The following TRIP4 variants were observed in gnomAD, a reference collection of about 807,000 sequenced individuals.
The protein encoded by TRIP4 is activating signal cointegrator 1.
Under a neutral mutation model 81.8 loss-of-function variants are expected in TRIP4, and 54 were observed. That is an observed-to-expected ratio of 0.66 (90% confidence interval 0.53 to 0.83). The LOEUF (loss-of-function observed/expected upper bound fraction) is 0.83. TRIP4 is among the 40% of genes least tolerant of loss of function. The pLI is 0.00. For synonymous variants in TRIP4, 270 were observed against 242.8 expected, an observed-to-expected ratio of 1.11 and a Z score of -1.04; for missense variants, 662 against 683.6, an observed-to-expected ratio of 0.97 and a Z score of 0.35.
At position 64,445,126 on chromosome 15, in the gene TRIP4, T is replaced by C. The variant is rs1892597285; in HGVS notation, c.1678+18T>C. ...AAAAATCTGTAAGTCATGATTTTTTTTCTTTAAGACTAGTCAAGTGCAGTA... is the reference window on the plus strand; with the variant it reads ...AAAAATCTGTAAGTCATGATTTTTTCTCTTTAAGACTAGTCAAGTGCAGTA... On this transcript the variant is annotated intron_variant, in intron 12 of 12. Coordinates refer to ENST00000261884, the MANE Select transcript of TRIP4 (RefSeq NM_016213.5). 6.8e-7 allele frequency: 1 copy of C among 1,464,584 alleles called. No homozygotes were observed. The highest frequency in any genetic ancestry group is 1.8e-5 in the Admixed American group (1 of 55,574). The allele number at this position is 1,464,584 out of a possible 1,614,324, so 90.7% of individuals were successfully genotyped here.
In TRIP4 at chr15:64,414,506, CTT is replaced by C. The variant is rs1466400730; in HGVS notation, c.1170+297_1170+298del. Among the ~76,000 whole-genome samples the C allele has an allele frequency of 6.6e-5, 7 of 106,114 alleles. No homozygotes were observed. The East Asian group carries it at 1.5e-3, about 23-fold the overall frequency. 69.6% of individuals were successfully genotyped at this position (106,114 alleles called of 152,430 possible). ...ATTCCATGGTTCTTTTGTTAATGCTCTTTCTCTTTTTTTTTTTTTTTTTTTTT... is the reference window on the plus strand; with the variant it reads ...ATTCCATGGTTCTTTTGTTAATGCTCTCTCTTTTTTTTTTTTTTTTTTTTT... On this transcript the variant is annotated intron_variant, in intron 8 of 12. Transcript: ENST00000261884.
rs1339514730 is a variant in TRIP4 at position 64,424,024 on chromosome 15, G to C, written c.1359-7G>C. On this transcript the variant is annotated splice_polypyrimidine_tract_variant and splice_region_variant and intron_variant, in intron 9 of 12. Coordinates refer to ENST00000261884, the MANE Select transcript of TRIP4 (RefSeq NM_016213.5). Reference sequence around the variant, plus strand: ...TATCCTTCCCACTAAATTTCTATTTGTTTAAGGGTGGAGGGCAGATCCTGG... The same window carrying C: ...TATCCTTCCCACTAAATTTCTATTTCTTTAAGGGTGGAGGGCAGATCCTGG... 6.2e-7 allele frequency: 1 copy of C among 1,613,844 alleles called. No individual in the cohort carries two copies. The highest frequency in any genetic ancestry group is 8.5e-7 in the Non-Finnish European group (1 of 1,179,944).
At chr15:64,407,150 C>T (rs1302655428) in intron 6 of TRIP4, among the ~76,000 whole-genome samples, 1 of 152,048 alleles carries the variant, frequency 6.6e-6, no homozygotes, top group African/African-American at 2.4e-5. Context: ...CTCTGAGGGT[C>T]CTCAGAGAGA....
chr15:64,403,615 T>A (rs1279151846), intron 5 of TRIP4, among the ~76,000 whole-genome samples: 1 of 152,216 alleles, frequency 6.6e-6, no homozygotes, highest in South Asian at 2.1e-4. Flanking sequence ...AACATTTGTT[T>A]TTCCATTTTC....
At chr15:64,418,828 AT>A in intron 9 of TRIP4, 100 bp downstream of exon 9, 1 of 1,120,428 alleles carries the variant, frequency 8.9e-7, no homozygotes, top group Non-Finnish European at 1.2e-6. Flanking sequence ...TCTAGTGATG[AT>A]TTATAATACT....
intron 11 of TRIP4, among the ~76,000 whole-genome samples, chr15:64,426,117 A>G (rs998186625): frequency 2.0e-5 from 3 of 151,952 alleles, no homozygotes; most frequent in East Asian, 1.9e-4. Flanking sequence ...CAATGCAGCT[A>G]GCAAGTATAT....
intron 8 of TRIP4, among the ~76,000 whole-genome samples, chr15:64,415,930 G>T (rs1177210575): frequency 6.6e-6 from 1 of 152,178 alleles, no homozygotes; most frequent in Non-Finnish European, 1.5e-5. Context: ...CGTAGAGAAT[G>T]GATTGGAGGG....
intron 3 of TRIP4, 52 bp from the exon 4 acceptor site, chr15:64,397,552 CTT>C (rs1900329340): frequency 6.4e-7 from 1 of 1,573,028 alleles, no homozygotes; most frequent in Admixed American, 1.7e-5. Flanking sequence ...TCTCCCTTGA[CTT>C]TTTACATTGT....
At chr15:64,393,773 A>C (rs188374521) in intron 1 of TRIP4, 173 bp from the exon 2 acceptor site, 4 of 487,284 alleles carry the variant, frequency 8.2e-6, no homozygotes, top group Admixed American at 8.5e-5. Context: ...GTATGTATAC[A>C]TTCATACCAG....
intron 7 of TRIP4, among the ~76,000 whole-genome samples, chr15:64,412,557 T>TA (rs34137664): frequency 2.2e-4 from 31 of 143,196 alleles, no homozygotes; most frequent in African/African-American, 4.1e-4. Flanking sequence ...AAAGCCTCTT[T>TA]AAAAAAAAAA....
chr15:64,406,860 C>T (rs984136222), intron 6 of TRIP4, among the ~76,000 whole-genome samples: 4 of 152,166 alleles, frequency 2.6e-5, no homozygotes, highest in Non-Finnish European at 5.9e-5. Flanking sequence ...AGGTTATGCC[C>T]TATCATAGGA....
chr15:64,412,557 T>TAA (rs34137664), intron 7 of TRIP4, among the ~76,000 whole-genome samples: 1 of 143,158 alleles, frequency 7.0e-6, no homozygotes, highest in Non-Finnish European at 1.5e-5. Context: ...AAAGCCTCTT[T>TAA]AAAAAAAAAA....
intron 11 of TRIP4, chr15:64,444,719 G>A (rs1892585063): frequency 6.6e-6 from 1 of 152,346 alleles, no homozygotes; most frequent in African/African-American, 2.8e-5. Flanking sequence ...ATTCCGTTCT[G>A]ATTCTTCTGG....
chr15:64,441,044 T>A (rs1892505261), intron 11 of TRIP4, among the ~76,000 whole-genome samples: 1 of 152,042 alleles, frequency 6.6e-6, no homozygotes. Flanking sequence ...CCAGTCTGGA[T>A]GGAGTGCAGT....
chr15:64,390,238 G>A (rs961733023), intron 1 of TRIP4, among the ~76,000 whole-genome samples: 1 of 151,190 alleles, frequency 6.6e-6, no homozygotes, highest in African/African-American at 2.4e-5. Context: ...GAGGCAGATG[G>A]ATCATTTGAG....
At chr15:64,442,101 A>C (rs1247145312) in intron 11 of TRIP4, among the ~76,000 whole-genome samples, 1 of 152,030 alleles carries the variant, frequency 6.6e-6, no homozygotes, top group African/African-American at 2.4e-5. Context: ...TTGTCTATGG[A>C]CTTGTAGGTC....
intron 3 of TRIP4, among the ~76,000 whole-genome samples, chr15:64,397,113 A>G (rs1427201195): frequency 6.6e-6 from 1 of 152,118 alleles, no homozygotes; most frequent in African/African-American, 2.4e-5. Context: ...TCTGTTGCCC[A>G]GTGGCGTCAA....
rs1892079993 is a variant in TRIP4, at chr15:64,424,052, C to T, written c.1380C>T (p.Tyr460=). The change falls in exon 10 of 13, where the codon TAC becomes TAT. Residue 460 remains tyrosine, a synonymous_variant. Coordinates refer to ENST00000261884, the MANE Select transcript of TRIP4 (RefSeq NM_016213.5). The part of the protein sequence containing the change: ...GIKRVEGRSW[Y]TPHRGRLWIA... ...TAAGGGTGGAGGGCAGATCCTGGTA[C>T]ACCCCCCACAGAGGACGACTTTGGA... The T allele has an allele frequency of 6.2e-7, 1 of 1,614,010 alleles. No individual in the cohort carries two copies. Among genetic ancestry groups the T allele is most frequent in the African/African-American group, 1.3e-5 (1 of 74,912 alleles).
intron 11 of TRIP4, 168 bp from the exon 12 acceptor site, chr15:64,444,838 G>C (rs866668586): frequency 4.8e-6 from 2 of 413,846 alleles, no homozygotes; most frequent in Non-Finnish European, 8.8e-6. Context: ...ACTAAGGATT[G>C]TAGAAAGGTG....
Sources: allele counts gnomAD v4.1 joint callset (sites outside exome capture counted in the v4.1 genomes callset), GRCh38; gene constraint gnomAD v4.1.1; transcripts MANE v1.5; gene names NCBI Gene and HGNC (gene_info 2026-07-23, HGNC 2026-07-21).